Variants in BRI3 observed in about 807,000 individuals in gnomAD.
BRI3 encodes the protein brain protein I3.
BRI3 carries 6 observed loss-of-function variants against 12.8 expected under a neutral mutation model. The ratio of observed to expected loss-of-function variants is 0.47; its 90% confidence interval spans 0.26 to 0.93. The LOEUF (loss-of-function observed/expected upper bound fraction) is 0.93, where lower values mean the gene tolerates loss of function less well. Ranked by LOEUF, BRI3 falls within the 40% of genes least tolerant of loss-of-function variation. BRI3 has a pLI of 0.15. For synonymous variants in BRI3, 91 were observed against 76.1 expected, an observed-to-expected ratio of 1.20 and a Z score of -1.02; for missense variants, 134 against 171.1, an observed-to-expected ratio of 0.78 and a Z score of 1.21.
At chr7:98,290,288 T>C (rs956004298) in intron 2 of BRI3, among the ~76,000 whole-genome samples, 1 of 147,146 alleles carries the variant, frequency 6.8e-6, no homozygotes, top group Non-Finnish European at 1.5e-5. Context: ...CTCCGCTTCC[T>C]GGGTTCACGC....
At chr7:98,288,788 A>AGGTTGGAGGGGGGG (rs11275179) in intron 2 of BRI3, among the ~76,000 whole-genome samples, 8 of 150,564 alleles carry the variant, frequency 5.3e-5, no homozygotes, top group African/African-American at 1.5e-4. Flanking sequence ...TTTTGTAGGG[A>AGGTTGGAGGGGGGG]GGGGTCTTTG....
chr7:98,292,766 AGTGAGAACACAAGGAGCC>A (rs1323639613), downstream of BRI3: 1 of 1,549,654 alleles, frequency 6.5e-7, no homozygotes, highest in African/African-American at 1.4e-5. Flanking sequence ...CAACTAGCTG[AGTGAGAACACAAGGAGCC>A]GTGACTCCGA....
chr7:98,317,807 T>C, the BRI3 span, among the ~76,000 whole-genome samples: 1,974 of 150,244 alleles, frequency 0.013, 20 homozygotes, highest in Middle Eastern at 0.021. Context: ...TTTCACACCA[T>C]CTTTACGCTG....
At chr7:98,287,510 A>T (rs567938657) in intron 2 of BRI3, among the ~76,000 whole-genome samples, 52 of 152,222 alleles carry the variant, frequency 3.4e-4, no homozygotes, top group African/African-American at 9.9e-4. Context: ...CGGGGCTGGG[A>T]ATCAAGGTGC....
intron 1 of BRI3, among the ~76,000 whole-genome samples, chr7:98,298,350 C>T (rs1326485080): frequency 1.3e-5 from 2 of 152,190 alleles, no homozygotes; most frequent in African/African-American, 2.4e-5. Context: ...CGGTGGCTCA[C>T]GCCTGTAATC....
chr7:98,311,070 G>A (rs1800852065), downstream of BRI3, among the ~76,000 whole-genome samples: 1 of 152,104 alleles, frequency 6.6e-6, no homozygotes, highest in South Asian at 2.1e-4. Context: ...ACAGAGCCCA[G>A]GTTCAAAGAT....
upstream of BRI3, among the ~76,000 whole-genome samples, chr7:98,303,808 A>G (rs979377021): frequency 2.0e-5 from 3 of 152,240 alleles, no homozygotes; most frequent in African/African-American, 7.2e-5. Context: ...CTGAAGAAAG[A>G]TGAAGTTACC....
At chr7:98,311,992 A>G, downstream of BRI3, 1 of 1,181,528 alleles carries the variant, frequency 8.5e-7, no homozygotes, top group Non-Finnish European at 1.2e-6. Context: ...GTGGTCCTGG[A>G]AGTAATAAAG....
At chr7:98,293,587 GT>G, downstream of BRI3, 3 of 1,613,756 alleles carry the variant, frequency 1.9e-6, no homozygotes, top group Non-Finnish European at 2.5e-6. Flanking sequence ...TGGCAAAGGG[GT>G]TTTCTCCGCT....
At chr7:98,312,440 G>A (rs926892568), downstream of BRI3, among the ~76,000 whole-genome samples, 7 of 152,166 alleles carry the variant, frequency 4.6e-5, no homozygotes, top group South Asian at 2.1e-4. Context: ...GTGTCTCACC[G>A]GCTGAGAGGG....
At chr7:98,301,094 C>T (rs370422196) in intron 1 of BRI3, among the ~76,000 whole-genome samples, 23 of 152,274 alleles carry the variant, frequency 1.5e-4, no homozygotes, top group East Asian at 1.4e-3. Context: ...GCTGATGGGA[C>T]GGTCTCATCT....
chr7:98,292,985 G>C, downstream of BRI3: 1 of 1,178,292 alleles, frequency 8.5e-7, no homozygotes, highest in South Asian at 3.6e-5. Flanking sequence ...TCCATCTCTG[G>C]AAGCTCTACA....
At chr7:98,298,428 C>T (rs544572798) in intron 1 of BRI3, among the ~76,000 whole-genome samples, 8 of 152,280 alleles carry the variant, frequency 5.3e-5, no homozygotes, top group South Asian at 4.1e-4. Flanking sequence ...CTGGCTAACA[C>T]GGTGAAACCC....
rs116333973 is a variant in BRI3 at position 98,289,800 on chromosome 7, G to A, written c.246-1311G>A. 2.1e-3 allele frequency among the ~76,000 whole-genome samples: 314 copies of A among 152,344 alleles called. 1 individual carries two copies. The highest frequency in any genetic ancestry group is 7.2e-3 in the African/African-American group (300 of 41,586). On this transcript the variant is annotated intron_variant, in intron 2 of 2. Transcript: ENST00000297290. ...CTTTCCAGAAATAGCCTAAGGAGCT[G>A]AGCTGAGCACTAGGCTTCTGGCTTC... is the stretch of plus-strand genomic sequence containing the variant.
downstream of BRI3, among the ~76,000 whole-genome samples, chr7:98,294,293 T>C (rs1173275581): frequency 2.0e-5 from 3 of 152,198 alleles, no homozygotes; most frequent in East Asian, 5.8e-4. Context: ...GCGACTGGCC[T>C]GTATTGGAGA....
upstream of BRI3, among the ~76,000 whole-genome samples, chr7:98,305,053 T>TG (rs1265603559): frequency 0.024 from 2,190 of 91,984 alleles, 32 homozygotes; most frequent in African/African-American, 0.065. Context: ...TTTTGTTTTT[T>TG]TTTTTTTTTT....
In BRI3 at chr7:98,291,240, T is replaced by G; in HGVS notation, c.375T>G (p.Ala125=). The G allele has an allele frequency of 1.9e-6, 3 of 1,613,034 alleles. No homozygotes were observed. The highest frequency in any genetic ancestry group is 2.5e-6 in the Non-Finnish European group (3 of 1,180,030). The part of the protein sequence containing the change: ...RRCPNCGATF[A] Reference sequence around the variant, plus strand: ...GCCCCAACTGTGGAGCCACCTTCGCTTAAAGGGAACACCAGGCCCGGCTTT... The same window carrying G: ...GCCCCAACTGTGGAGCCACCTTCGCGTAAAGGGAACACCAGGCCCGGCTTT... The change falls in exon 3 of 3, where the codon GCT becomes GCG. Residue 125 remains alanine, a synonymous_variant. Transcript: ENST00000297290.
At chr7:98,294,203 G>C, downstream of BRI3, 1 of 1,398,474 alleles carries the variant, frequency 7.2e-7, no homozygotes, top group Non-Finnish European at 1.0e-6. Context: ...ATGTTGCCCA[G>C]GCTGGTTTCG....
the BRI3 span, among the ~76,000 whole-genome samples, chr7:98,319,891 G>T: frequency 6.6e-6 from 1 of 152,050 alleles, no homozygotes; most frequent in Non-Finnish European, 1.5e-5. Flanking sequence ...AGCGAAAACC[G>T]GCCCACACAG....
Sources: gnomAD v4.1 joint callset for allele counts (sites outside exome capture counted in the v4.1 genomes callset) on GRCh38, gnomAD v4.1.1 for gene constraint, MANE v1.5 for transcripts, NCBI Gene and HGNC (gene_info 2026-07-23, HGNC 2026-07-21) for gene names.